Variants in KIAA1217 observed in about 807,000 individuals in gnomAD.
KIAA1217 encodes the protein sickle tail protein homolog.
KIAA1217 carries 88 observed loss-of-function variants against 163.9 expected under a neutral mutation model. The observed-to-expected ratio is 0.54, with a 90% CI of 0.45 to 0.64. The LOEUF (loss-of-function observed/expected upper bound fraction) is 0.64. Among genes scored for constraint, KIAA1217 ranks in the 30% least tolerant of loss-of-function variants. KIAA1217 has a pLI of 0.00. For synonymous variants in KIAA1217, 903 were observed against 923.1 expected (o/e 0.98, Z 0.39); for missense variants, 2,372 against 2,475.0 (o/e 0.96, Z 0.88).
At chr10:24,084,118 C>A (rs1324645082) in intron 2 of KIAA1217, among the ~76,000 whole-genome samples, 2 of 152,222 alleles carry the variant, frequency 1.3e-5, no homozygotes, top group African/African-American at 4.8e-5. Context: ...AAAACATCAT[C>A]TTTGCAGTAA....
intron 1 of KIAA1217, among the ~76,000 whole-genome samples, chr10:23,842,067 C>T (rs1341290330): frequency 6.6e-6 from 1 of 151,960 alleles, no homozygotes; most frequent in East Asian, 1.9e-4. Flanking sequence ...GGGATTTTGC[C>T]ATGTTGGCCA....
At chr10:24,172,839 A>G (rs2065694530) in intron 2 of KIAA1217, among the ~76,000 whole-genome samples, 1 of 152,186 alleles carries the variant, frequency 6.6e-6, no homozygotes, top group South Asian at 2.1e-4. Flanking sequence ...ATTTGATGTG[A>G]TACTTCAGAC....
At chr10:23,967,405 C>T (rs532132694) in intron 1 of KIAA1217, among the ~76,000 whole-genome samples, 2 of 152,172 alleles carry the variant, frequency 1.3e-5, no homozygotes, top group South Asian at 4.1e-4. Context: ...ATACATGTGT[C>T]TTTCAGGAAA....
At chr10:24,340,074 G>A (rs1439245067) in intron 2 of KIAA1217, among the ~76,000 whole-genome samples, 2 of 152,200 alleles carry the variant, frequency 1.3e-5, no homozygotes, top group Non-Finnish European at 2.9e-5. Context: ...ATCCAACTGG[G>A]ACCTGATCTC....
chr10:24,057,378 G>C (rs893494811), intron 2 of KIAA1217, among the ~76,000 whole-genome samples: 1 of 152,070 alleles, frequency 6.6e-6, no homozygotes, highest in Non-Finnish European at 1.5e-5. Context: ...TAGAAAATTC[G>C]TTCATCTTGC....
chr10:24,197,401 T>G (rs2067040098), intron 2 of KIAA1217, among the ~76,000 whole-genome samples: 1 of 152,198 alleles, frequency 6.6e-6, no homozygotes, highest in Admixed American at 6.5e-5. Context: ...GAACGTGCAA[T>G]GCTGACTTGC....
intron 1 of KIAA1217, among the ~76,000 whole-genome samples, chr10:23,704,168 G>GTATATATA (rs1346283849): frequency 1.6e-5 from 1 of 63,302 alleles, no homozygotes; most frequent in Non-Finnish European, 2.6e-5. Context: ...GTGTGTGTGT[G>GTATATATA]TGTGTATATA....
In KIAA1217 at chr10:24,165,855, G is replaced by A. The variant is rs1420492032; in HGVS notation, c.-170-53771G>A. ...AAAAAAGCAGTTTGCTGAACCTTTA[G>A]CAAGAGAGTTCTTCAGGCATTTGAT... On this transcript the variant is annotated intron_variant, in intron 2 of 18. Transcript: ENST00000376462. Among the ~76,000 whole-genome samples, 4 of 152,260 alleles carry A rather than the reference G, an allele frequency of 2.6e-5. No homozygotes were observed. In the East Asian group the frequency reaches 7.7e-4, roughly 29 times the overall value.
intron 2 of KIAA1217, among the ~76,000 whole-genome samples, chr10:24,251,784 AACTGGTTCTACT>A: frequency 6.6e-6 from 1 of 151,254 alleles, no homozygotes; most frequent in Non-Finnish European, 1.5e-5. Context: ...TAGATTTGAG[AACTGGTTCTACT>A]ACTTACTGTT....
At chr10:24,025,533 T>C (rs1655615362) in intron 2 of KIAA1217, among the ~76,000 whole-genome samples, 1 of 151,802 alleles carries the variant, frequency 6.6e-6, no homozygotes, top group Non-Finnish European at 1.5e-5. Context: ...ATCAGTTTGC[T>C]ATTTTCTACA....
At chr10:24,084,314 A>T (rs1464601000) in intron 2 of KIAA1217, among the ~76,000 whole-genome samples, 1 of 152,218 alleles carries the variant, frequency 6.6e-6, no homozygotes, top group African/African-American at 2.4e-5. Flanking sequence ...CACGTGGGCA[A>T]GGATTTTTGT....
At chr10:24,154,539 T>C (rs925385467) in intron 2 of KIAA1217, among the ~76,000 whole-genome samples, 5 of 152,156 alleles carry the variant, frequency 3.3e-5, no homozygotes, top group Non-Finnish European at 5.9e-5. Flanking sequence ...TGATGCTGCA[T>C]ACCTGAAGCA....
At chr10:23,810,529 A>G (rs1017961604) in intron 1 of KIAA1217, among the ~76,000 whole-genome samples, 1 of 132,912 alleles carries the variant, frequency 7.5e-6, no homozygotes, top group Non-Finnish European at 1.6e-5. Flanking sequence ...TAATCTATAT[A>G]TAGTATATAT....
At chr10:24,198,967 C>T (rs938111308) in intron 2 of KIAA1217, among the ~76,000 whole-genome samples, 2 of 152,148 alleles carry the variant, frequency 1.3e-5, no homozygotes, top group African/African-American at 2.4e-5. Context: ...GCCTGCAATC[C>T]CAGCACTATG....
intron 2 of KIAA1217, among the ~76,000 whole-genome samples, chr10:24,370,073 G>T (rs1175325070): frequency 6.6e-6 from 1 of 152,080 alleles, no homozygotes; most frequent in African/African-American, 2.4e-5. Flanking sequence ...AGACCATCCT[G>T]GCTAACACGG....
At chr10:24,154,058 C>T (rs1001264139) in intron 2 of KIAA1217, among the ~76,000 whole-genome samples, 1 of 150,476 alleles carries the variant, frequency 6.6e-6, no homozygotes, top group African/African-American at 2.4e-5. Flanking sequence ...CCCGGGTTCA[C>T]GCCATTCTTC....
At chr10:23,941,362 G>A (rs2131335550) in intron 1 of KIAA1217, among the ~76,000 whole-genome samples, 2 of 152,274 alleles carry the variant, frequency 1.3e-5, no homozygotes, top group South Asian at 4.1e-4. Flanking sequence ...ATAACTCTTA[G>A]CAGAATATAA....
At chr10:24,298,730 G>A (rs140680567) in intron 2 of KIAA1217, among the ~76,000 whole-genome samples, 140 of 152,188 alleles carry the variant, frequency 9.2e-4, no homozygotes, top group African/African-American at 2.5e-3. Flanking sequence ...CTTGGAAGGC[G>A]GAGGCCATGG....
intron 3 of KIAA1217, among the ~76,000 whole-genome samples, chr10:24,404,566 CAAAAAAAA>C (rs57209065): frequency 2.5e-4 from 13 of 51,182 alleles, no homozygotes; most frequent in African/African-American, 3.4e-4. Context: ...GACTCTGTCT[CAAAAAAAA>C]AAAAAAAAAA....
Sources: gnomAD v4.1 joint callset for allele counts (sites outside exome capture counted in the v4.1 genomes callset) on GRCh38, gnomAD v4.1.1 for gene constraint, MANE v1.5 for transcripts, NCBI Gene and HGNC (gene_info 2026-07-23, HGNC 2026-07-21) for gene names.